The following TCERG1L variants were observed in gnomAD, a reference collection of about 807,000 sequenced individuals.
TCERG1L encodes the protein transcription elongation regulator 1-like protein.
In TCERG1L, 37 loss-of-function variants were observed where a neutral mutation model predicts 56.3. That is an observed-to-expected ratio of 0.66 (90% confidence interval 0.51 to 0.87). The LOEUF is 0.87. TCERG1L is among the 40% of genes least tolerant of loss of function. The probability of loss-of-function intolerance (pLI) is 0.00; values close to 1 mark genes in which losing one functional copy is unlikely to be tolerated. For synonymous variants in TCERG1L, 324 were observed against 326.3 expected (o/e 0.99, Z 0.08); for missense variants, 799 against 774.2 (o/e 1.03, Z -0.38).
At chr10:131,210,930 C>T (rs1411796160) in intron 4 of TCERG1L, among the ~76,000 whole-genome samples, 1 of 152,184 alleles carries the variant, frequency 6.6e-6, no homozygotes, top group Non-Finnish European at 1.5e-5. Context: ...ACTATTTCAT[C>T]GTTTTCCTCC....
chr10:131,285,652 T>A (rs1308279486), intron 3 of TCERG1L, among the ~76,000 whole-genome samples: 1 of 152,060 alleles, frequency 6.6e-6, no homozygotes, highest in Non-Finnish European at 1.5e-5. Context: ...GTAATAGAGA[T>A]AAGTGCAGCA....
chr10:131,135,336 G>A (rs1359494711), intron 7 of TCERG1L, among the ~76,000 whole-genome samples: 4 of 152,106 alleles, frequency 2.6e-5, no homozygotes, highest in African/African-American at 4.8e-5. Context: ...CCCAGTGACC[G>A]CTGAGCCTGC....
At chr10:131,213,274 C>A (rs1351421143) in intron 4 of TCERG1L, among the ~76,000 whole-genome samples, 1 of 152,220 alleles carries the variant, frequency 6.6e-6, no homozygotes, top group African/African-American at 2.4e-5. Flanking sequence ...GGCCCAGACT[C>A]ATCAGAACCC....
At chr10:131,133,604 G>A (rs554368866) in intron 8 of TCERG1L, among the ~76,000 whole-genome samples, 1 of 152,248 alleles carries the variant, frequency 6.6e-6, no homozygotes, top group East Asian at 1.9e-4. Context: ...ACCAAACATG[G>A]GGCCCAGCAG....
At chr10:131,239,403 G>C (rs979860241) in intron 4 of TCERG1L, among the ~76,000 whole-genome samples, 1 of 152,116 alleles carries the variant, frequency 6.6e-6, no homozygotes, top group African/African-American at 2.4e-5. Flanking sequence ...TAAAAATAAA[G>C]GCATGTCAAA....
chr10:131,127,657 A>C (rs2133398601), intron 8 of TCERG1L, among the ~76,000 whole-genome samples: 1 of 152,326 alleles, frequency 6.6e-6, no homozygotes, highest in Middle Eastern at 3.4e-3. Flanking sequence ...GCGAAGGGAC[A>C]GGTCCCTAAA....
intron 8 of TCERG1L, among the ~76,000 whole-genome samples, chr10:131,128,780 T>C (rs1026029693): frequency 3.9e-5 from 6 of 152,140 alleles, no homozygotes; most frequent in African/African-American, 1.4e-4. Context: ...AAGGAAGTCG[T>C]AGATCAAGAT....
chr10:131,270,601 T>G (rs1043291706), intron 3 of TCERG1L, among the ~76,000 whole-genome samples: 1 of 152,244 alleles, frequency 6.6e-6, no homozygotes, highest in Non-Finnish European at 1.5e-5. Context: ...AAAACCCACA[T>G]GTGCTTGATG....
intron 4 of TCERG1L, among the ~76,000 whole-genome samples, chr10:131,227,014 C>T (rs1403289839): frequency 1.3e-5 from 2 of 152,250 alleles, no homozygotes; most frequent in Admixed American, 6.5e-5. Context: ...GCGGCCCCCT[C>T]GCAGGCACTC....
At chr10:131,258,048 G>T (rs924413807) in intron 4 of TCERG1L, among the ~76,000 whole-genome samples, 1 of 152,204 alleles carries the variant, frequency 6.6e-6, no homozygotes, top group African/African-American at 2.4e-5. Flanking sequence ...TTGCATTGAT[G>T]TCCTTCTATT....
intron 8 of TCERG1L, among the ~76,000 whole-genome samples, chr10:131,129,819 T>C (rs1444033424): frequency 6.6e-6 from 1 of 152,188 alleles, no homozygotes; most frequent in Non-Finnish European, 1.5e-5. Flanking sequence ...CAGTTGCGCA[T>C]GGATCGGGAG....
chr10:131,244,745 A>G (rs1207611902), intron 4 of TCERG1L, among the ~76,000 whole-genome samples: 2 of 152,156 alleles, frequency 1.3e-5, no homozygotes, highest in Non-Finnish European at 2.9e-5. Flanking sequence ...CCAGGCTGAA[A>G]GAGTTTTACC....
chr10:131,146,742 A>ATACG, intron 6 of TCERG1L, 82 bp from the exon 7 acceptor site: 1 of 1,481,254 alleles, frequency 6.8e-7, no homozygotes. Flanking sequence ...TCACTGAAAA[A>ATACG]GCCCCTCAGG....
At chr10:131,220,943 T>C (rs947217986) in intron 4 of TCERG1L, among the ~76,000 whole-genome samples, 1 of 152,322 alleles carries the variant, frequency 6.6e-6, no homozygotes, top group African/African-American at 2.4e-5. Flanking sequence ...AATGAGCAGC[T>C]GGGCACCTGC....
intron 4 of TCERG1L, among the ~76,000 whole-genome samples, chr10:131,250,129 C>G (rs948906327): frequency 6.6e-6 from 1 of 152,194 alleles, no homozygotes; most frequent in Admixed American, 6.5e-5. Context: ...GCGGCGTGCA[C>G]GCCTGACGGG....
chr10:131,205,072 C>T (rs192251660), intron 4 of TCERG1L, among the ~76,000 whole-genome samples: 4 of 152,130 alleles, frequency 2.6e-5, no homozygotes, highest in African/African-American at 9.7e-5. Context: ...ACCAAGCGGC[C>T]CATGGCATCA....
chr10:131,123,209 C>G (rs2133394916), intron 8 of TCERG1L, among the ~76,000 whole-genome samples: 1 of 152,318 alleles, frequency 6.6e-6, no homozygotes, highest in South Asian at 2.1e-4. Context: ...CCTCACCAGG[C>G]TCACATTCTA....
intron 9 of TCERG1L, among the ~76,000 whole-genome samples, chr10:131,112,291 T>A (rs10829906): frequency 9.2e-5 from 13 of 141,720 alleles, no homozygotes; most frequent in African/African-American, 2.5e-4. Flanking sequence ...ACTCCCACAC[T>A]GTCCTGGAGA....
intron 4 of TCERG1L, among the ~76,000 whole-genome samples, chr10:131,215,209 C>CA (rs1845657970): frequency 6.6e-6 from 1 of 152,142 alleles, no homozygotes. Context: ...ATAAGTTATC[C>CA]AAGGCTCACC....
Sources: gnomAD v4.1 joint callset for allele counts (sites outside exome capture counted in the v4.1 genomes callset) on GRCh38, gnomAD v4.1.1 for gene constraint, MANE v1.5 for transcripts, NCBI Gene and HGNC (gene_info 2026-07-23, HGNC 2026-07-21) for gene names.